Variants in CLDN10 observed in about 807,000 individuals in gnomAD.
CLDN10 encodes claudin-10.
A neutral mutation model predicts 22.9 loss-of-function variants in CLDN10; 15 were observed. The observed-to-expected ratio is 0.65, with a 90% CI of 0.44 to 1.01. CLDN10 has a LOEUF of 1.01. Ranked by LOEUF, CLDN10 falls within the 50% of genes least tolerant of loss-of-function variation. The pLI, the probability that CLDN10 is intolerant of heterozygous loss-of-function variation, is 0.00. For missense variants in CLDN10, 247 were observed against 287.8 expected (o/e 0.86, Z 1.03); for synonymous variants, 114 against 111.4 (o/e 1.02, Z -0.15).
intron 1 of CLDN10, among the ~76,000 whole-genome samples, chr13:95,460,462 T>A (rs1227789058): frequency 1.3e-5 from 2 of 152,084 alleles, no homozygotes. Flanking sequence ...CTCAGCAAAC[T>A]TACAATCATG....
At position 95,552,790 on chromosome 13, in the gene CLDN10, G is replaced by GTC; in HGVS notation, c.40_41dup (p.Ile15ProfsTer70). 6.2e-7 allele frequency: 1 copy of GTC among 1,613,820 alleles called. No homozygotes were observed. The highest frequency in any genetic ancestry group is 2.2e-5 in the East Asian group (1 of 44,868). On this transcript the variant is annotated frameshift_variant, in exon 1 of 5. Transcript: ENST00000299339. LOFTEE classifies it high-confidence loss of function. ...GGCTTCGGAGATCATCGCCTTCATG[G>GTC]TCTCCATCTCAGGCTGGGTACTGGT...
intron 1 of CLDN10, among the ~76,000 whole-genome samples, chr13:95,471,132 G>A (rs1005316981): frequency 2.6e-5 from 4 of 152,080 alleles, no homozygotes; most frequent in African/African-American, 9.7e-5. Flanking sequence ...ACTGTGACCT[G>A]AAGGAAAAGG....
At chr13:95,524,780 T>C (rs913122006) in intron 1 of CLDN10, among the ~76,000 whole-genome samples, 2 of 152,148 alleles carry the variant, frequency 1.3e-5, no homozygotes, top group African/African-American at 4.8e-5. Flanking sequence ...TCACCAGCAA[T>C]GTATGAGGGT....
chr13:95,453,147 T>C (rs1043552993), intron 1 of CLDN10, among the ~76,000 whole-genome samples: 1 of 152,212 alleles, frequency 6.6e-6, no homozygotes, highest in Non-Finnish European at 1.5e-5. Context: ...TGGGAACAAA[T>C]GCTATTATCT....
intron 1 of CLDN10, among the ~76,000 whole-genome samples, chr13:95,464,685 A>C (rs910953241): frequency 2.6e-5 from 4 of 151,948 alleles, no homozygotes; most frequent in African/African-American, 7.2e-5. Flanking sequence ...AAGGGTGTAC[A>C]TGTCCCAGAC....
chr13:95,537,351 T>C (rs928015907), intron 1 of CLDN10, among the ~76,000 whole-genome samples: 2 of 152,200 alleles, frequency 1.3e-5, no homozygotes, highest in African/African-American at 4.8e-5. Context: ...ATACCCAGTA[T>C]GCACGGCTCT....
At chr13:95,521,969 T>G (rs1324773383) in intron 1 of CLDN10, among the ~76,000 whole-genome samples, 1 of 148,496 alleles carries the variant, frequency 6.7e-6, no homozygotes, top group Non-Finnish European at 1.5e-5. Context: ...TTCATGAATC[T>G]TGTTTCTTTC....
intron 1 of CLDN10, among the ~76,000 whole-genome samples, chr13:95,487,851 A>T (rs1304806779): frequency 1.7e-4 from 26 of 151,048 alleles, no homozygotes; most frequent in Admixed American, 1.5e-3. Context: ...ATTTTAAAAA[A>T]TTTTTTTGTA....
chr13:95,438,090 G>A (rs773566918), intron 1 of CLDN10, among the ~76,000 whole-genome samples: 2 of 152,112 alleles, frequency 1.3e-5, no homozygotes, highest in Admixed American at 1.3e-4. Flanking sequence ...GTCTCACTCT[G>A]TCACCCAGGC....
intron 1 of CLDN10, among the ~76,000 whole-genome samples, chr13:95,515,104 C>T (rs1021854842): frequency 2.6e-5 from 4 of 152,210 alleles, no homozygotes; most frequent in African/African-American, 9.6e-5. Flanking sequence ...CTGCTGGGCT[C>T]AAGCAATCCT....
At chr13:95,564,119 C>T (rs982840953) in intron 3 of CLDN10, among the ~76,000 whole-genome samples, 2 of 152,150 alleles carry the variant, frequency 1.3e-5, no homozygotes, top group African/African-American at 2.4e-5. Flanking sequence ...GTGGAAGATG[C>T]CACTATAGGA....
chr13:95,474,286 G>A (rs1471715201), intron 1 of CLDN10, among the ~76,000 whole-genome samples: 9 of 152,138 alleles, frequency 5.9e-5, no homozygotes, highest in African/African-American at 1.9e-4. Flanking sequence ...AATAGGGTTC[G>A]TGCTCCTATG....
intron 1 of CLDN10, among the ~76,000 whole-genome samples, chr13:95,462,087 C>A (rs750259863): frequency 2.0e-5 from 3 of 152,102 alleles, no homozygotes; most frequent in Non-Finnish European, 4.4e-5. Flanking sequence ...CAGAGTGAGA[C>A]CCTGTCTCAA....
intron 1 of CLDN10, among the ~76,000 whole-genome samples, chr13:95,445,957 T>C (rs927826063): frequency 6.6e-6 from 1 of 152,148 alleles, no homozygotes; most frequent in Non-Finnish European, 1.5e-5. Context: ...AACCAATTCA[T>C]TGATTCTAGA....
At chr13:95,475,680 C>T (rs1003250688) in intron 1 of CLDN10, among the ~76,000 whole-genome samples, 5 of 152,220 alleles carry the variant, frequency 3.3e-5, no homozygotes, top group Admixed American at 1.3e-4. Context: ...CCACCTCATC[C>T]TCCAGCTGCC....
rs2043691211 is a variant in CLDN10, at chr13:95,560,310, T to C, written c.382+17T>C. 6.2e-7 allele frequency: 1 copy of C among 1,613,888 alleles called. No individual in the cohort carries two copies. Among genetic ancestry groups the C allele is most frequent in the Non-Finnish European group, 8.5e-7 (1 of 1,179,764 alleles). On this transcript the variant is annotated intron_variant, in intron 2 of 4. Transcript: ENST00000299339. ...TACTGTCAGGTAAATAGTAACTTTC[T>C]TCCAAACAAGGTACTTGATGATGTT...
intron 1 of CLDN10, among the ~76,000 whole-genome samples, chr13:95,463,325 T>TATATATATATATATG (rs1566282981): frequency 9.9e-6 from 1 of 101,152 alleles, no homozygotes; most frequent in Non-Finnish European, 2.1e-5. Flanking sequence ...TATATATATA[T>TATATATATATATATG]TTGCCTTTTT....
At chr13:95,515,813 C>T (rs2043158996) in intron 1 of CLDN10, among the ~76,000 whole-genome samples, 1 of 152,180 alleles carries the variant, frequency 6.6e-6, no homozygotes, top group African/African-American at 2.4e-5. Context: ...CCTCTGCTGA[C>T]CTTCTGCCTA....
chr13:95,532,500 T>A (rs548107154), intron 1 of CLDN10, among the ~76,000 whole-genome samples: 3 of 152,116 alleles, frequency 2.0e-5, no homozygotes, highest in African/African-American at 7.2e-5. Flanking sequence ...ACATCTAACG[T>A]TGGCAAGAAT....
Sources: allele counts gnomAD v4.1 joint callset (sites outside exome capture counted in the v4.1 genomes callset), GRCh38; gene constraint gnomAD v4.1.1; transcripts MANE v1.5; gene names NCBI Gene and HGNC (gene_info 2026-07-23, HGNC 2026-07-21).